Variants in TMC1 observed in about 807,000 individuals in gnomAD.
TMC1 encodes the protein transmembrane channel like 1, also known as transmembrane channel-like protein 1.
Under a neutral mutation model 105.8 loss-of-function variants are expected in TMC1, and 84 were observed. The observed-to-expected ratio is 0.79, with a 90% confidence interval of 0.67 to 0.95. TMC1 has a LOEUF of 0.95. TMC1 is among the 40% of genes least tolerant of loss of function. The pLI is 0.00. For synonymous variants in TMC1, 315 were observed against 311.5 expected (o/e 1.01, Z -0.12); for missense variants, 817 against 914.1 (o/e 0.89, Z 1.37).
chr9:72,604,385 T>G (rs985229585), intron 2 of TMC1, among the ~76,000 whole-genome samples: 1 of 152,154 alleles, frequency 6.6e-6, no homozygotes, highest in East Asian at 1.9e-4. Context: ...TGCCCTTGAA[T>G]CTTTACAAAA....
intron 4 of TMC1, among the ~76,000 whole-genome samples, chr9:72,638,093 T>C (rs1458596040): frequency 6.6e-6 from 1 of 152,044 alleles, no homozygotes; most frequent in Non-Finnish European, 1.5e-5. Flanking sequence ...TCATTCCAGA[T>C]CTGCTCAAAG....
At chr9:72,642,171 C>G (rs1409526226) in intron 4 of TMC1, among the ~76,000 whole-genome samples, 1 of 152,066 alleles carries the variant, frequency 6.6e-6, no homozygotes, top group Non-Finnish European at 1.5e-5. Context: ...AAATAACACC[C>G]AGAATTTGGC....
At chr9:72,665,807 T>C (rs1826033981) in intron 5 of TMC1, among the ~76,000 whole-genome samples, 1 of 152,236 alleles carries the variant, frequency 6.6e-6, no homozygotes. Flanking sequence ...TATATTTAGA[T>C]GTAGGTGAAG....
At chr9:72,648,205 T>C (rs535461668) in intron 4 of TMC1, among the ~76,000 whole-genome samples, 1 of 152,282 alleles carries the variant, frequency 6.6e-6, no homozygotes, top group Non-Finnish European at 1.5e-5. Context: ...CCAAGCACAC[T>C]TAGTGGCTGG....
rs947189078 is a variant in TMC1, at chr9:72,792,191, A to G, written c.1405A>G (p.Ile469Val). 2.5e-6 allele frequency: 4 copies of G among 1,613,964 alleles called. No homozygotes were observed. The African/African-American group carries it at 5.3e-5, about 22-fold the overall frequency. The change falls in exon 17 of 24, where the codon ATT becomes GTT. Residue 469 changes from isoleucine (I) to valine (V), a missense_variant and splice_region_variant. Coordinates refer to ENST00000297784, the MANE Select transcript of TMC1 (RefSeq NM_138691.3). ...TAGTTTCTATCTCTTTGCTTTCTAG[A>G]TTGAAGAGGAGAAGCTAGTAAAGGC... Reference protein sequence around the residue: ...LALMDEINNKIEEEKLVKANI... With the variant: ...LALMDEINNKVEEEKLVKANI...
At chr9:72,651,379 C>T (rs944431270) in intron 5 of TMC1, 1 of 152,022 alleles carries the variant, frequency 6.6e-6, no homozygotes, top group Non-Finnish European at 1.5e-5. Flanking sequence ...TTCAACAGGG[C>T]ATTGCTGTAA....
At chr9:72,835,924 T>A in intron 23 of TMC1, 27 bp from the exon 24 acceptor site, 1 of 1,535,346 alleles carries the variant, frequency 6.5e-7, no homozygotes, top group African/African-American at 1.4e-5. Flanking sequence ...TGTTTTTTTT[T>A]TTTTTTTTTT....
At chr9:72,819,441 G>A (rs956888642) in intron 19 of TMC1, among the ~76,000 whole-genome samples, 15 of 152,180 alleles carry the variant, frequency 9.9e-5, no homozygotes, top group East Asian at 3.9e-4. Context: ...CTTTTTTGGC[G>A]TTCCCTCTCT....
chr9:72,536,819 G>T (rs538351106), intron 1 of TMC1, among the ~76,000 whole-genome samples: 1 of 152,292 alleles, frequency 6.6e-6, no homozygotes, highest in East Asian at 1.9e-4. Context: ...GGCTGCAGTT[G>T]TATGTTGCTG....
intron 1 of TMC1, among the ~76,000 whole-genome samples, chr9:72,566,676 A>G (rs989089613): frequency 3.9e-5 from 6 of 152,188 alleles, no homozygotes; most frequent in African/African-American, 1.2e-4. Context: ...TGGGGTCCTC[A>G]GACTCCGATA....
intron 17 of TMC1, among the ~76,000 whole-genome samples, chr9:72,796,661 A>T (rs1828376470): frequency 1.3e-5 from 2 of 152,234 alleles, no homozygotes; most frequent in South Asian, 4.1e-4. Flanking sequence ...AGCTTTCAAT[A>T]AAATTCAACA....
At chr9:72,688,504 A>G (rs923830546) in intron 5 of TMC1, among the ~76,000 whole-genome samples, 1 of 152,186 alleles carries the variant, frequency 6.6e-6, no homozygotes, top group African/African-American at 2.4e-5. Flanking sequence ...CCTGAAGATT[A>G]TGAAATAGAA....
At chr9:72,715,474 T>C (rs988187214) in intron 8 of TMC1, among the ~76,000 whole-genome samples, 5 of 152,106 alleles carry the variant, frequency 3.3e-5, no homozygotes, top group Non-Finnish European at 5.9e-5. Context: ...TCACTGTTTT[T>C]TATCTAATCT....
chr9:72,743,294 G>C (rs1827423878), intron 10 of TMC1, among the ~76,000 whole-genome samples: 1 of 149,792 alleles, frequency 6.7e-6, no homozygotes, highest in South Asian at 2.1e-4. Flanking sequence ...GTGAACCCAG[G>C]AGGCGGAGCT....
chr9:72,704,330 AAACTT>A (rs1826697297), intron 8 of TMC1, among the ~76,000 whole-genome samples: 1 of 152,170 alleles, frequency 6.6e-6, no homozygotes, highest in Admixed American at 6.5e-5. Flanking sequence ...GAAAGTTTTG[AAACTT>A]CTAAAAGATA....
At chr9:72,532,287 TCC>T (rs1175690215) in intron 1 of TMC1, among the ~76,000 whole-genome samples, 1 of 152,010 alleles carries the variant, frequency 6.6e-6, no homozygotes, top group Non-Finnish European at 1.5e-5. Flanking sequence ...ACGCCTGTAA[TCC>T]CAGCACTTTG....
At chr9:72,600,355 C>T (rs958251626) in intron 2 of TMC1, among the ~76,000 whole-genome samples, 1 of 152,174 alleles carries the variant, frequency 6.6e-6, no homozygotes, top group Admixed American at 6.5e-5. Flanking sequence ...ACACATCCTC[C>T]AGTGTGACAG....
chr9:72,587,375 C>G (rs1275077917), intron 2 of TMC1, among the ~76,000 whole-genome samples: 1 of 152,158 alleles, frequency 6.6e-6, no homozygotes, highest in Non-Finnish European at 1.5e-5. Context: ...CCGGGCTGGT[C>G]TTGAACTCCT....
At chr9:72,718,658 G>A (rs185741404) in intron 8 of TMC1, among the ~76,000 whole-genome samples, 1 of 152,282 alleles carries the variant, frequency 6.6e-6, no homozygotes, top group African/African-American at 2.4e-5. Flanking sequence ...GTTGTTTAAT[G>A]CACTAGTTTT....
Sources: gnomAD v4.1 joint callset for allele counts (sites outside exome capture counted in the v4.1 genomes callset) on GRCh38, gnomAD v4.1.1 for gene constraint, MANE v1.5 for transcripts, NCBI Gene and HGNC (gene_info 2026-07-23, HGNC 2026-07-21) for gene names.